ATE1: variants seen among roughly 807,000 people sequenced by gnomAD.
The protein encoded by ATE1 is arginyl-tRNA--protein transferase 1.
ATE1 carries 36 observed loss-of-function variants against 70.5 expected under a neutral mutation model. The ratio of observed to expected loss-of-function variants is 0.51; its 90% CI spans 0.39 to 0.67. ATE1 has a LOEUF of 0.67. ATE1 is among the 30% of genes least tolerant of loss of function. ATE1 has a pLI of 0.00. For missense variants in ATE1, 593 were observed against 629.5 expected (o/e 0.94, Z 0.62); for synonymous variants, 232 against 219.3 (o/e 1.06, Z -0.51).
At chr10:121,881,510 C>T (rs1324468144) in intron 7 of ATE1, among the ~76,000 whole-genome samples, 3 of 151,964 alleles carry the variant, frequency 2.0e-5, no homozygotes, top group Non-Finnish European at 4.4e-5. Flanking sequence ...TTAATAGAAA[C>T]TAGGCACTAG....
chr10:121,793,991 T>TAC (rs1253972140), intron 10 of ATE1, among the ~76,000 whole-genome samples: 1 of 152,218 alleles, frequency 6.6e-6, no homozygotes, highest in Non-Finnish European at 1.5e-5. Context: ...TATTGTGATA[T>TAC]AAGGTATACA....
chr10:121,793,937 T>C (rs186814346), intron 10 of ATE1, among the ~76,000 whole-genome samples: 2 of 152,332 alleles, frequency 1.3e-5, no homozygotes, highest in East Asian at 1.9e-4. Context: ...AGTACTTTCA[T>C]GGTTTCATAA....
intron 5 of ATE1, among the ~76,000 whole-genome samples, chr10:121,905,919 A>G (rs1951172645): frequency 6.6e-6 from 1 of 152,174 alleles, no homozygotes; most frequent in East Asian, 1.9e-4. Context: ...AATTGCTTCA[A>G]CAGAATGAAA....
At chr10:121,780,847 A>C (rs1177956480) in intron 11 of ATE1, among the ~76,000 whole-genome samples, 1 of 152,176 alleles carries the variant, frequency 6.6e-6, no homozygotes, top group Non-Finnish European at 1.5e-5. Flanking sequence ...ATGGGGACTC[A>C]CTGCCTCTTC....
chr10:121,798,777 T>C (rs1291995652), intron 10 of ATE1, among the ~76,000 whole-genome samples: 3 of 152,028 alleles, frequency 2.0e-5, no homozygotes, highest in African/African-American at 7.2e-5. Flanking sequence ...CACACGCCTG[T>C]GGTCCCAGCT....
intron 11 of ATE1, among the ~76,000 whole-genome samples, chr10:121,775,448 A>G (rs893415759): frequency 2.6e-5 from 4 of 152,108 alleles, no homozygotes; most frequent in Admixed American, 2.0e-4. Flanking sequence ...CAATGTGCAC[A>G]TCTGCACATC....
At position 121,854,765 on chromosome 10, in the gene ATE1, G is replaced by A. The variant is rs140499039; in HGVS notation, c.976-13502C>T. Among the ~76,000 whole-genome samples the A allele has an allele frequency of 2.1e-3, 313 of 152,272 alleles. 2 individuals carry two copies. Among genetic ancestry groups the A allele is most frequent in the African/African-American group, 7.2e-3 (299 of 41,564 alleles). The stretch of plus-strand genomic sequence containing the variant: ...CAGAAACACCCTAAAAAATCAAGCT[G>A]CAGGCACAAATAGAGCAGCCTGGCG... On this transcript the variant is annotated intron_variant, in intron 8 of 11. Transcript: ENST00000224652.
chr10:121,837,236 A>C (rs1168053622), intron 9 of ATE1, among the ~76,000 whole-genome samples: 2 of 152,240 alleles, frequency 1.3e-5, no homozygotes, highest in Non-Finnish European at 2.9e-5. Flanking sequence ...TATTATGACC[A>C]TTTACATGCA....
At chr10:121,878,968 C>G (rs2134095579) in intron 7 of ATE1, among the ~76,000 whole-genome samples, 1 of 152,144 alleles carries the variant, frequency 6.6e-6, no homozygotes, top group Non-Finnish European at 1.5e-5. Flanking sequence ...CCAGAGATAC[C>G]AACAAGAAGA....
chr10:121,869,913 A>C (rs1262741437), intron 8 of ATE1, 93 bp downstream of exon 8: 2 of 1,181,882 alleles, frequency 1.7e-6, no homozygotes, highest in African/African-American at 1.5e-5. Context: ...CAAAATGAGC[A>C]CTCCTAAATT....
intron 11 of ATE1, among the ~76,000 whole-genome samples, chr10:121,765,647 T>C (rs184936716): frequency 2.6e-5 from 4 of 152,336 alleles, no homozygotes; most frequent in East Asian, 1.9e-4. Context: ...ACCAAGAATG[T>C]AGCAAGAAAA....
intron 10 of ATE1, among the ~76,000 whole-genome samples, chr10:121,821,020 C>A (rs1421819610): frequency 1.3e-5 from 2 of 152,208 alleles, no homozygotes; most frequent in Admixed American, 1.3e-4. Flanking sequence ...CGGCTCACTG[C>A]AACCTCCACC....
chr10:121,857,885 C>T (rs1282421879), intron 8 of ATE1, among the ~76,000 whole-genome samples: 1 of 152,192 alleles, frequency 6.6e-6, no homozygotes, highest in African/African-American at 2.4e-5. Context: ...CATCACTTCA[C>T]TTTCTAGCTG....
At chr10:121,861,105 T>C (rs1949451185) in intron 8 of ATE1, among the ~76,000 whole-genome samples, 2 of 152,150 alleles carry the variant, frequency 1.3e-5, no homozygotes, top group South Asian at 4.1e-4. Flanking sequence ...CAATGAAAAT[T>C]GTCAAGGCAG....
chr10:121,926,316 T>C (rs577340330), intron 1 of ATE1, among the ~76,000 whole-genome samples: 69 of 152,320 alleles, frequency 4.5e-4, no homozygotes, highest in African/African-American at 1.7e-3. Flanking sequence ...AGCATGGCAC[T>C]GGAGTCCAAC....
chr10:121,817,914 T>G (rs1488732711), intron 10 of ATE1, among the ~76,000 whole-genome samples: 1 of 152,132 alleles, frequency 6.6e-6, no homozygotes, highest in Non-Finnish European at 1.5e-5. Context: ...TTATCCCACA[T>G]AAAACCCTAG....
In ATE1 at chr10:121,874,981, G is replaced by A. The variant is rs1239737397; in HGVS notation, c.943-4943C>T. Reference sequence around the variant, plus strand: ...CAGTGAAACCCCATCTCTACTAAAAGAAAAAAAAAAAAAATACAAAAATTA... The same window carrying A: ...CAGTGAAACCCCATCTCTACTAAAAAAAAAAAAAAAAAAATACAAAAATTA... On this transcript the variant is annotated intron_variant, in intron 7 of 11. Coordinates refer to ENST00000224652, the MANE Select transcript of ATE1 (RefSeq NM_001001976.3). Among the ~76,000 whole-genome samples the A allele has an allele frequency of 8.0e-3, 710 of 88,878 alleles. 15 individuals are homozygous for A. The highest frequency in any genetic ancestry group is 0.03 in the African/African-American group (658 of 21,844). The allele number at this position is 88,878 out of a possible 152,430, so 58.3% of individuals were successfully genotyped here. A position where few individuals can be genotyped will look rare whatever the true frequency, so the allele number is the denominator to read the frequency against.
intron 11 of ATE1, among the ~76,000 whole-genome samples, chr10:121,778,453 G>A (rs1362286186): frequency 6.6e-6 from 1 of 152,084 alleles, no homozygotes; most frequent in African/African-American, 2.4e-5. Flanking sequence ...ATGTTCATTG[G>A]GGGTTGGCAG....
intron 10 of ATE1, among the ~76,000 whole-genome samples, chr10:121,791,053 T>TAC (rs200261748): frequency 0.15 from 1,617 of 10,908 alleles, 31 homozygotes; most frequent in Admixed American, 0.25. Context: ...TATATATGTA[T>TAC]ACGTGTGTGT....
Sources: allele counts gnomAD v4.1 joint callset (sites outside exome capture counted in the v4.1 genomes callset), GRCh38; gene constraint gnomAD v4.1.1; transcripts MANE v1.5; gene names NCBI Gene and HGNC (gene_info 2026-07-23, HGNC 2026-07-21).